Variants in DNMT3A observed in about 807,000 individuals in gnomAD.
DNMT3A encodes the protein DNA methyltransferase 3 alpha, also known as DNA (cytosine-5)-methyltransferase 3A.
Under a neutral mutation model 117.6 loss-of-function variants are expected in DNMT3A, and 267 were observed. The ratio of observed to expected loss-of-function variants is 2.27; its 90% confidence interval spans 2.05 to 2.51. The LOEUF is 2.51. Ranked by LOEUF, DNMT3A falls within the 30% of genes most tolerant of loss-of-function variation. The pLI is 0.00. For synonymous variants in DNMT3A, 432 were observed against 474.8 expected (o/e 0.91, Z 1.17); for missense variants, 1,029 against 1,260.2 (o/e 0.82, Z 2.78).
intron 3 of DNMT3A, among the ~76,000 whole-genome samples, chr2:25,283,951 A>C (rs917450116): frequency 4.6e-5 from 7 of 152,218 alleles, no homozygotes; most frequent in African/African-American, 1.7e-4. Flanking sequence ...AGGACAAAGC[A>C]AGAGCAGGAG....
At chr2:25,342,020 G>A (rs1330467666), upstream of DNMT3A, 1 of 854,340 alleles carries the variant, frequency 1.2e-6, no homozygotes. The surrounding 1 kb of genome is among the most constrained non-coding windows in gnomAD (Gnocchi z 5.9). Context: ...CCTCCGCCGG[G>A]TCCCCCCCTC....
intron 6 of DNMT3A, among the ~76,000 whole-genome samples, chr2:25,265,835 C>T (rs1019976237): frequency 3.3e-5 from 5 of 150,408 alleles, no homozygotes; most frequent in Non-Finnish European, 7.4e-5. Context: ...AAAAAAAAGA[C>T]ATTAAATGCA....
intron 16 of DNMT3A, among the ~76,000 whole-genome samples, chr2:25,242,390 C>T (rs1402777731): frequency 1.3e-5 from 2 of 152,150 alleles, no homozygotes; most frequent in Non-Finnish European, 2.9e-5. Flanking sequence ...CAGAGCAGAT[C>T]CCGAGAGGGT....
At chr2:25,285,955 T>A (rs915444358) in intron 3 of DNMT3A, among the ~76,000 whole-genome samples, 1 of 152,114 alleles carries the variant, frequency 6.6e-6, no homozygotes, top group African/African-American at 2.4e-5. Flanking sequence ...GAGGTATGCG[T>A]GGGGTCCTGC....
chr2:25,269,042 C>T (rs2030624778), intron 6 of DNMT3A, among the ~76,000 whole-genome samples: 1 of 152,242 alleles, frequency 6.6e-6, no homozygotes, highest in African/African-American at 2.4e-5. Context: ...TAAGGACAGT[C>T]TGAGTGCAGT....
intron 1 of DNMT3A, among the ~76,000 whole-genome samples, chr2:25,333,407 G>A (rs1376762981): frequency 2.0e-5 from 3 of 151,698 alleles, no homozygotes; most frequent in Admixed American, 6.6e-5. Flanking sequence ...TCGGCTCACT[G>A]CAACCTCCAC....
At chr2:25,323,953 A>G (rs905517461) in intron 1 of DNMT3A, among the ~76,000 whole-genome samples, 1 of 152,200 alleles carries the variant, frequency 6.6e-6, no homozygotes, top group African/African-American at 2.4e-5. Context: ...GGCACAGTCC[A>G]GGTCCACCCC....
intron 18 of DNMT3A, 24 bp downstream of exon 18, chr2:25,240,616 T>C (rs1325459954): frequency 6.2e-7 from 1 of 1,612,418 alleles, no homozygotes; most frequent in Non-Finnish European, 8.5e-7. Context: ...GCTGAGAAGG[T>C]GGAGGGGACA....
At chr2:25,276,998 C>G (rs6733868) in intron 4 of DNMT3A, among the ~76,000 whole-genome samples, 75,182 of 151,946 alleles carry the variant, frequency 0.49, 18,963 homozygotes, top group Non-Finnish European at 0.54. Context: ...CGCTGTCCTC[C>G]GTGGTTCTGT....
In DNMT3A at chr2:25,337,229, C is replaced by T. The variant is rs1171668470; in HGVS notation, c.-178+4597G>A. On this transcript the variant is annotated intron_variant, in intron 1 of 22. Coordinates refer to ENST00000321117, the MANE Select transcript of DNMT3A (RefSeq NM_022552.5). The surrounding 1 kb of genome is among the most constrained non-coding windows in gnomAD (Gnocchi z 5.0). ...ATTGCTAAGTGTCGCTGAGAAGCCT[C>T]CCACCTCCCAGGATTTTTAATCAGA... Among the ~76,000 whole-genome samples the T allele has an allele frequency of 6.6e-6, 1 of 152,140 alleles. No individual in the cohort carries two copies. Among genetic ancestry groups the T allele is most frequent in the Admixed American group, 6.5e-5 (1 of 15,272 alleles).
At position 25,229,694 on chromosome 2, in the gene DNMT3A, A is replaced by C. The variant is rs1186983310; in HGVS notation, c.*4585T>G. 6.6e-6 allele frequency: 1 copy of C among 152,252 alleles called. No homozygotes were observed. Among genetic ancestry groups the C allele is most frequent in the African/African-American group, 2.4e-5 (1 of 41,448 alleles). The allele number at this position is 152,252 out of a possible 1,614,324, so 9.4% of individuals were successfully genotyped here. A position where few individuals can be genotyped will look rare whatever the true frequency, so the allele number is the denominator to read the frequency against. On this transcript the variant is annotated 3_prime_UTR_variant, in exon 23 of 23. Coordinates refer to ENST00000321117, the MANE Select transcript of DNMT3A (RefSeq NM_022552.5). ...TAACCCACAGCTTGAGGGGGATCCT[A>C]AAAGCAACAGCTCTGAAAGACACTT...
chr2:25,321,283 A>G (rs2034587836), intron 1 of DNMT3A, among the ~76,000 whole-genome samples: 1 of 152,176 alleles, frequency 6.6e-6, no homozygotes, highest in Non-Finnish European at 1.5e-5. Context: ...TTCAACATCT[A>G]GAGGCTGCCC....
At position 25,282,737 on chromosome 2, in the gene DNMT3A, G is replaced by C. The variant is rs763312230; in HGVS notation, c.178-26C>G. The C allele has an allele frequency of 1.8e-5, 27 of 1,513,600 alleles. No homozygotes were observed. Among genetic ancestry groups the C allele is most frequent in the Non-Finnish European group, 2.4e-5 (27 of 1,130,486 alleles). 93.8% of individuals were successfully genotyped at this position (1,513,600 alleles called of 1,614,324 possible). ...CTGCAAATGTAAGAAAGATACACAAGAGGAGGGTTAGATCAGTGGGCTTAG... is the reference window on the plus strand; with the variant it reads ...CTGCAAATGTAAGAAAGATACACAACAGGAGGGTTAGATCAGTGGGCTTAG... On this transcript the variant is annotated intron_variant, in intron 3 of 22. Coordinates refer to ENST00000321117, the MANE Select transcript of DNMT3A (RefSeq NM_022552.5). This position sits in a 1 kb window ranked among gnomAD's most constrained non-coding sequence, Gnocchi z 5.2.
intron 1 of DNMT3A, among the ~76,000 whole-genome samples, chr2:25,340,099 AG>A (rs550784415): frequency 2.0e-5 from 3 of 152,056 alleles, no homozygotes; most frequent in African/African-American, 4.8e-5. Context: ...GCTGGTTTGG[AG>A]GGGGGGTAGC....
intron 19 of DNMT3A, chr2:25,239,533 ATTG>A: frequency 1.8e-6 from 1 of 562,662 alleles, no homozygotes; most frequent in Non-Finnish European, 3.5e-6. Context: ...GGCCAATGTG[ATTG>A]AGGAGCTGAA....
rs2033786698 is a variant in DNMT3A, at chr2:25,306,468, G to A, written c.73-6225C>T. 6.6e-6 allele frequency among the ~76,000 whole-genome samples: 1 copy of A among 152,216 alleles called. No homozygotes were observed. Among genetic ancestry groups the A allele is most frequent in the South Asian group, 2.1e-4 (1 of 4,826 alleles). ...TCCTGAAAGGCCACTCTCCTGGAGGGGAGGGGCCGTGTCTCATTGGCGCCT... is the reference window on the plus strand; with the variant it reads ...TCCTGAAAGGCCACTCTCCTGGAGGAGAGGGGCCGTGTCTCATTGGCGCCT... On this transcript the variant is annotated intron_variant, in intron 2 of 22. Coordinates refer to ENST00000321117, the MANE Select transcript of DNMT3A (RefSeq NM_022552.5). The surrounding 1 kb of genome is among the most constrained non-coding windows in gnomAD (Gnocchi z 4.1).
chr2:25,245,957 T>A (rs999940345), intron 12 of DNMT3A, 63 bp downstream of exon 12: 2 of 1,607,864 alleles, frequency 1.2e-6, no homozygotes, highest in Non-Finnish European at 1.7e-6. Context: ...CCTTCCTAAG[T>A]GCCTCTGCTA....
chr2:25,313,113 T>A (rs771022105), intron 2 of DNMT3A, among the ~76,000 whole-genome samples: 1 of 151,560 alleles, frequency 6.6e-6, no homozygotes, highest in Non-Finnish European at 1.5e-5. Context: ...GTGCTGGGGG[T>A]TAAGGGGCAG....
chr2:25,325,612 G>A (rs959207861), intron 1 of DNMT3A, among the ~76,000 whole-genome samples: 1 of 151,992 alleles, frequency 6.6e-6, no homozygotes, highest in Non-Finnish European at 1.5e-5. Context: ...CTCCCACCAG[G>A]GACATATTAT....
Sources: allele counts gnomAD v4.1 joint callset (sites outside exome capture counted in the v4.1 genomes callset), GRCh38; gene constraint gnomAD v4.1.1; non-coding constraint Gnocchi (gnomAD v3.1); transcripts MANE v1.5; gene names NCBI Gene and HGNC (gene_info 2026-07-23, HGNC 2026-07-21).